The following UBE3C variants were observed in gnomAD, a reference collection of about 807,000 sequenced individuals.
UBE3C encodes the protein ubiquitin protein ligase E3C, also known as ubiquitin-protein ligase E3C.
In UBE3C, 42 loss-of-function variants were observed where a neutral mutation model predicts 129.4. The ratio of observed to expected loss-of-function variants is 0.32; its 90% CI spans 0.25 to 0.42. The LOEUF (loss-of-function observed/expected upper bound fraction) is 0.42. UBE3C is among the 10% of genes least tolerant of loss of function. The probability of loss-of-function intolerance (pLI) is 1.00; values close to 1 mark genes in which losing one functional copy is unlikely to be tolerated. For synonymous variants in UBE3C, 510 were observed against 492.4 expected (o/e 1.04, Z -0.47); for missense variants, 1,049 against 1,319.1 (o/e 0.80, Z 3.17).
chr7:157,250,377 G>A (rs923420556), intron 19 of UBE3C, among the ~76,000 whole-genome samples: 11 of 152,138 alleles, frequency 7.2e-5, no homozygotes, highest in Non-Finnish European at 1.5e-4. Context: ...TGTAGAGATA[G>A]TGTTGCCCTG....
rs1192054955 is a variant in UBE3C, at chr7:157,184,025, G to A, written c.1139G>A (p.Ser380Asn). 1.9e-6 allele frequency: 3 copies of A among 1,613,980 alleles called. No individual in the cohort carries two copies. The highest frequency in any genetic ancestry group is 2.2e-5 in the East Asian group (1 of 44,870). The change falls in exon 9 of 23, where the codon AGC becomes AAC. Residue 380 changes from serine (S) to asparagine (N), a missense_variant. By Grantham distance (46) the Ser-to-Asn change is conservative (BLOSUM62 1). Around this residue, in one of 4 missense-constraint regions of UBE3C, gnomAD observed 489 missense variants for 513.8 expected, o/e 0.95. Coordinates refer to ENST00000348165, the MANE Select transcript of UBE3C (RefSeq NM_014671.3). ...AGTGAAGAAGCCGACAAGCCCTCAA[G>A]CCCGGTAAGCCCCGTGCCCTGCATC... ...EESEEADKPSSPEDGRLSVSY... is the reference protein window; with the variant it reads ...EESEEADKPSNPEDGRLSVSY...
rs890851092 is a variant in UBE3C at position 157,216,761 on chromosome 7, G to T, written c.1810-106G>T. The T allele has an allele frequency of 1.4e-5, 12 of 851,822 alleles. No homozygotes were observed. In the East Asian group the frequency reaches 2.9e-4, roughly 21 times the overall value. The allele number at this position is 851,822 out of a possible 1,614,324, so 52.8% of individuals were successfully genotyped here. ...GGGTTTGGTGTCCGGCTCGACCTGG[G>T]TTCCTGCACCACCGCTGTGTGCTCC... On this transcript the variant is annotated intron_variant, in intron 13 of 22. Transcript: ENST00000348165.
At chr7:157,145,074 A>G (rs1807567787) in intron 1 of UBE3C, among the ~76,000 whole-genome samples, 1 of 152,184 alleles carries the variant, frequency 6.6e-6, no homozygotes, top group South Asian at 2.1e-4. Context: ...GTTTGAGACC[A>G]GCCTGGCCAA....
Position 157,158,247 on chromosome 7 carries a change from T to A in UBE3C, c.67-5563T>A, listed in dbSNP as rs6961733. ...AGAAAATTCAAAGGAAACACAAATATAATGAAGCCTTTTGAAAACCAGTTT... is the reference window on the plus strand; with the variant it reads ...AGAAAATTCAAAGGAAACACAAATAAAATGAAGCCTTTTGAAAACCAGTTT... On this transcript the variant is annotated intron_variant, in intron 1 of 22. Transcript: ENST00000348165. Among the ~76,000 whole-genome samples the A allele has an allele frequency of 2.0e-3, 305 of 152,040 alleles. 1 individual carries two copies. The highest frequency in any genetic ancestry group is 3.8e-3 in the Non-Finnish European group (256 of 67,988).
Position 157,139,259 on chromosome 7 carries a change from G to C in UBE3C, c.-14G>C. The C allele has an allele frequency of 6.4e-7, 1 of 1,558,124 alleles. No individual in the cohort carries two copies. The highest frequency in any genetic ancestry group is 1.4e-5 in the African/African-American group (1 of 70,838). ...CCGCGGCGGCGCTGCCCGCACATGG[G>C]CTAGGCTGCCAGGATGTTCAGCTTC... On this transcript the variant is annotated 5_prime_UTR_variant, in exon 1 of 23. Coordinates refer to ENST00000348165, the MANE Select transcript of UBE3C (RefSeq NM_014671.3).
chr7:157,165,921 G>A (rs569822806), intron 2 of UBE3C, among the ~76,000 whole-genome samples: 2 of 152,162 alleles, frequency 1.3e-5, no homozygotes, highest in South Asian at 4.1e-4. Flanking sequence ...TCCTTTATAG[G>A]TGACTAGCTG....
intron 13 of UBE3C, among the ~76,000 whole-genome samples, chr7:157,210,588 A>G (rs1289263841): frequency 6.6e-6 from 1 of 152,232 alleles, no homozygotes; most frequent in Non-Finnish European, 1.5e-5. Context: ...ATATGATGGT[A>G]GAACCAGCTG....
chr7:157,178,832 T>A lies in UBE3C; in HGVS notation c.601T>A (p.Tyr201Asn). 6.2e-7 allele frequency: 1 copy of A among 1,614,144 alleles called. No individual in the cohort carries two copies. Among genetic ancestry groups the A allele is most frequent in the Non-Finnish European group, 8.5e-7 (1 of 1,179,994 alleles). The change falls in exon 6 of 23, where the codon TAC (tyrosine) becomes AAC (asparagine). Residue 201 changes from tyrosine to asparagine, a missense_variant. Around this residue, in one of 4 missense-constraint regions of UBE3C, gnomAD observed 489 missense variants for 513.8 expected, o/e 0.95. Coordinates refer to ENST00000348165, the MANE Select transcript of UBE3C (RefSeq NM_014671.3). The stretch of plus-strand genomic sequence containing the variant: ...GTCAGTGATTGAACAAATTTTGCAC[T>A]ACATGATTCACAATGGTAAGTAGTA... The part of the protein sequence containing the change: ...VVSVIEQILH[Y>N]MIHNGYYRSL...
intron 13 of UBE3C, 117 bp downstream of exon 13, chr7:157,208,052 AGACTTTT>A: frequency 4.8e-6 from 1 of 206,282 alleles, no homozygotes; most frequent in East Asian, 1.3e-4. Context: ...TTAATTTGCA[AGACTTTT>A]TTTTTTTTTT....
At chr7:157,164,533 AAAAG>A (rs1426242377) in intron 2 of UBE3C, 2 of 441,678 alleles carry the variant, frequency 4.5e-6, no homozygotes, top group African/African-American at 4.0e-5. Flanking sequence ...TGAAGAAGGT[AAAAG>A]AAAGACACTA....
chr7:157,206,584 T>C (rs905172292), intron 11 of UBE3C, among the ~76,000 whole-genome samples: 21 of 151,680 alleles, frequency 1.4e-4, no homozygotes, highest in Non-Finnish European at 5.9e-5. Flanking sequence ...TTTTTTTTTT[T>C]CCTTAATATT....
At position 157,186,823 on chromosome 7, in the gene UBE3C, G is replaced by A; in HGVS notation, c.1144-11G>A. The A allele has an allele frequency of 1.2e-6, 2 of 1,613,406 alleles. No individual in the cohort carries two copies. The highest frequency in any genetic ancestry group is 1.7e-6 in the Non-Finnish European group (2 of 1,179,564). On this transcript the variant is annotated splice_polypyrimidine_tract_variant and intron_variant, in intron 9 of 22. Transcript: ENST00000348165. ...ACATTTATGGAGACTGGTTGTTCTG[G>A]TATGTTCTAGGAGGATGGCAGACTG...
chr7:157,181,002 C>T (rs1385904017), intron 6 of UBE3C, among the ~76,000 whole-genome samples: 1 of 152,144 alleles, frequency 6.6e-6, no homozygotes, highest in Non-Finnish European at 1.5e-5. Context: ...TGGAATGAAA[C>T]CTACCAATAT....
In UBE3C at chr7:157,264,593, A is replaced by G. The variant is rs118126401; in HGVS notation, c.3082-2992A>G. Among the ~76,000 whole-genome samples, 105 of 152,166 alleles carry G rather than the reference A, an allele frequency of 6.9e-4. 2 individuals carry two copies. The East Asian group carries it at 0.019, about 28-fold the overall frequency. ...CTGTTACACACACACAAACATATATATTTTTAAGACAGAGTTTCACTCTTA... is the reference window on the plus strand; with the variant it reads ...CTGTTACACACACACAAACATATATGTTTTTAAGACAGAGTTTCACTCTTA... On this transcript the variant is annotated intron_variant, in intron 22 of 22. Transcript: ENST00000348165.
At chr7:157,247,036 A>G (rs1340921729) in intron 18 of UBE3C, among the ~76,000 whole-genome samples, 3 of 152,180 alleles carry the variant, frequency 2.0e-5, no homozygotes, top group Admixed American at 1.3e-4. Flanking sequence ...GATTATAGGC[A>G]TATGCCACCA....
At chr7:157,163,336 G>A (rs1014292914) in intron 1 of UBE3C, among the ~76,000 whole-genome samples, 8 of 143,766 alleles carry the variant, frequency 5.6e-5, no homozygotes, top group Admixed American at 2.9e-4. Context: ...GCAGTGAGCC[G>A]AGATCACACC....
At chr7:157,247,166 G>A (rs1017930815) in intron 18 of UBE3C, among the ~76,000 whole-genome samples, 18 of 152,188 alleles carry the variant, frequency 1.2e-4, no homozygotes, top group Admixed American at 6.5e-4. Flanking sequence ...GATTACAGGC[G>A]TGAGCCACCG....
chr7:157,227,095 AGCTGAT>A (rs1038986506), intron 17 of UBE3C, among the ~76,000 whole-genome samples: 2 of 152,350 alleles, frequency 1.3e-5, no homozygotes, highest in African/African-American at 2.4e-5. Context: ...TGGTGTACAC[AGCTGAT>A]GCTCAGTAGA....
At chr7:157,148,731 CTTT>C (rs58138213) in intron 1 of UBE3C, among the ~76,000 whole-genome samples, 6 of 131,748 alleles carry the variant, frequency 4.6e-5, no homozygotes, top group Admixed American at 2.3e-4. Flanking sequence ...CAAATTAGTT[CTTT>C]TTTTTTTTTT....
Sources: gnomAD v4.1 joint callset for allele counts (sites outside exome capture counted in the v4.1 genomes callset) on GRCh38, gnomAD v4.1.1 for gene constraint, gnomAD v4.1.1 regional missense constraint, MANE v1.5 for transcripts, NCBI Gene and HGNC (gene_info 2026-07-23, HGNC 2026-07-21) for gene names.